The following FADS2 variants were observed in gnomAD, a reference collection of about 807,000 sequenced individuals.
FADS2 encodes the protein acyl-CoA 6-desaturase.
Under a neutral mutation model 61.2 loss-of-function variants are expected in FADS2, and 18 were observed. That is an observed-to-expected ratio of 0.29 (90% CI 0.20 to 0.44). The LOEUF is 0.44. Ranked by LOEUF, FADS2 falls within the 20% of genes least tolerant of loss-of-function variation. The pLI, the probability that FADS2 is intolerant of heterozygous loss-of-function variation, is 1.00. For missense variants in FADS2, 322 were observed against 572.7 expected (o/e 0.56, Z 4.47); for synonymous variants, 203 against 223.9 (o/e 0.91, Z 0.83).
chr11:61,838,428 G>A (rs1463110785), intron 2 of FADS2, among the ~76,000 whole-genome samples: 4 of 152,134 alleles, frequency 2.6e-5, no homozygotes, highest in East Asian at 1.9e-4. Context: ...ATAGAAGAAA[G>A]TTGGGACAGG....
chr11:61,837,524 A>G (rs2067183722), intron 1 of FADS2, among the ~76,000 whole-genome samples: 1 of 152,214 alleles, frequency 6.6e-6, no homozygotes, highest in Non-Finnish European at 1.5e-5. Flanking sequence ...CTATGCATCT[A>G]TTCACAAACC....
intron 5 of FADS2, among the ~76,000 whole-genome samples, chr11:61,850,544 T>C (rs79303190): frequency 0.081 from 12,264 of 152,214 alleles, 760 homozygotes; most frequent in African/African-American, 0.15. Context: ...CCACCGCGCC[T>C]GGCCCATAAT....
chr11:61,828,523 A>G lies in FADS2; in HGVS notation c.133A>G (p.Asn45Asp), dbSNP rs1048060548. 1.9e-6 allele frequency: 3 copies of G among 1,613,956 alleles called. No individual in the cohort carries two copies. The highest frequency in any genetic ancestry group is 2.5e-6 in the Non-Finnish European group (3 of 1,180,014). The change falls in exon 1 of 12, where the codon AAC becomes GAC. Residue 45 changes from asparagine (N) to aspartate (D), a missense_variant. Transcript: ENST00000278840. The surrounding 1 kb of genome is among the most constrained non-coding windows in gnomAD (Gnocchi z 6.4). ...RWLVIDRKVY[N>D]ITKWSIQHPG... is the part of the protein sequence containing the mutation. ...GCTGGTCATTGACCGCAAGGTTTAC[A>G]ACATCACCAAATGGTCCATCCAGCA...
intron 5 of FADS2, among the ~76,000 whole-genome samples, chr11:61,852,169 G>C (rs1348370216): frequency 6.6e-6 from 1 of 152,126 alleles, no homozygotes; most frequent in East Asian, 1.9e-4. Context: ...TGGATGACTT[G>C]GGGGCCACAC....
chr11:61,818,060 C>T (rs1281399781), intron 1 of FADS2, among the ~76,000 whole-genome samples: 1 of 152,142 alleles, frequency 6.6e-6, no homozygotes, highest in Admixed American at 6.6e-5. Flanking sequence ...TTTCTCATTA[C>T]ACTGGTATTT....
chr11:61,843,958 G>C (rs1021020995), intron 4 of FADS2, among the ~76,000 whole-genome samples: 1 of 151,932 alleles, frequency 6.6e-6, no homozygotes, highest in Non-Finnish European at 1.5e-5. Flanking sequence ...ACCACGCCCG[G>C]CCTGCAATAT....
upstream of FADS2, among the ~76,000 whole-genome samples, chr11:61,825,564 G>A (rs913372968): frequency 1.3e-5 from 2 of 151,518 alleles, no homozygotes; most frequent in African/African-American, 4.9e-5. Context: ...GTTGCAGTGA[G>A]CTGAGATCGC....
Position 61,857,457 on chromosome 11 carries a change from G to A in FADS2, c.809G>A (p.Gly270Glu), listed in dbSNP as rs1186511242. The change falls in exon 7 of 12, where the codon GGG becomes GAG. Residue 270 changes from glycine (G) to glutamate (E), a missense_variant. Physicochemically the swap from Gly to Glu is moderately conservative, Grantham distance 98. Coordinates refer to ENST00000278840, the MANE Select transcript of FADS2 (RefSeq NM_004265.4). ...AGCGCCTGTCTCTCTCCTGCAGTTG[G>A]GCCGCCGCTGCTCATCCCCATGTAT... ...NHQHEYFFLI[G>E]PPLLIPMYFQ... The A allele has an allele frequency of 6.2e-7, 1 of 1,613,760 alleles. No homozygotes were observed. Among genetic ancestry groups the A allele is most frequent in the East Asian group, 2.2e-5 (1 of 44,892 alleles).
intron 5 of FADS2, among the ~76,000 whole-genome samples, chr11:61,853,727 C>A (rs1467928228): frequency 1.3e-5 from 2 of 152,122 alleles, no homozygotes; most frequent in Non-Finnish European, 2.9e-5. Context: ...CTCTCGGGGA[C>A]CTTGGACTGG....
rs2067457025 is a variant in FADS2, at chr11:61,865,194, C to T, written c.1200C>T (p.Ala400=). The T allele has an allele frequency of 1.9e-6, 3 of 1,613,894 alleles. No homozygotes were observed. The highest frequency in any genetic ancestry group is 1.3e-5 in the African/African-American group (1 of 75,050). Residue 400 remains alanine, a synonymous_variant, in exon 11 of 12, where the codon GCC becomes GCT. Transcript: ENST00000278840. This position sits in a 1 kb window ranked among gnomAD's most constrained non-coding sequence, Gnocchi z 4.1. The part of the protein sequence containing the change: ...TMPRHNLHKI[A]PLVKSLCAKH... ...CCCGGCACAACTTACACAAGATCGC[C>T]CCGCTGGTGAAGTCTCTATGTGCCA...
upstream of FADS2, among the ~76,000 whole-genome samples, chr11:61,824,390 AAAAAAGAG>A (rs1436665133): frequency 9.1e-6 from 1 of 110,166 alleles, no homozygotes; most frequent in Non-Finnish European, 1.9e-5. Flanking sequence ...TTGGGGGAAA[AAAAAAGAG>A]AGAGAGAGAG....
chr11:61,850,115 C>G (rs371210004), intron 5 of FADS2, among the ~76,000 whole-genome samples: 2 of 152,194 alleles, frequency 1.3e-5, no homozygotes, highest in East Asian at 1.9e-4. Flanking sequence ...CCCTTCCCCC[C>G]CAGTTCATGT....
At chr11:61,825,610 C>A (rs1202492730), upstream of FADS2, among the ~76,000 whole-genome samples, 2 of 116,456 alleles carry the variant, frequency 1.7e-5, no homozygotes, top group Non-Finnish European at 3.6e-5. Flanking sequence ...AGAGTGAGAC[C>A]CTGTCTCAAA....
At chr11:61,834,873 G>A (rs1305452664) in intron 1 of FADS2, among the ~76,000 whole-genome samples, 2 of 151,824 alleles carry the variant, frequency 1.3e-5, no homozygotes, top group African/African-American at 2.4e-5. Flanking sequence ...TTGCATAGGC[G>A]GCTGAGGCTC....
Position 61,816,420 on chromosome 11 carries a change from G to T in FADS2, c.135G>T (p.Gly45=), listed in dbSNP as rs1269195222. ...CATCCGCAGGACACCCAATCACCGG[G>T]CAACAGGTATGATCAGGCGCCTCCG... is the stretch of plus-strand genomic sequence containing the variant. Residue 45 remains glycine, a synonymous_variant, in exon 1 of 12, where the codon GGG becomes GGT. Coordinates refer to the FADS2 transcript ENST00000257261. The surrounding 1 kb of genome is among the most constrained non-coding windows in gnomAD (Gnocchi z 7.0). 5 of 1,598,750 alleles carry T rather than the reference G, an allele frequency of 3.1e-6. No homozygotes were observed. Among genetic ancestry groups the T allele is most frequent in the Non-Finnish European group, 2.5e-6 (3 of 1,179,802 alleles).
chr11:61,824,481 AGAGAGAG>A (rs2067061700), upstream of FADS2, among the ~76,000 whole-genome samples: 2 of 8,296 alleles, frequency 2.4e-4, no homozygotes, highest in African/African-American at 3.1e-4. Flanking sequence ...AGAGAGAGAG[AGAGAGAG>A]AGAAAGAAAG....
intron 4 of FADS2, among the ~76,000 whole-genome samples, chr11:61,843,329 C>T (rs1015906243): frequency 6.6e-6 from 1 of 152,200 alleles, no homozygotes; most frequent in Non-Finnish European, 1.5e-5. Flanking sequence ...ACTGGGGAGG[C>T]TGAGGCCGGA....
chr11:61,859,643 AC>A (rs1305227995), intron 7 of FADS2, among the ~76,000 whole-genome samples: 2 of 152,082 alleles, frequency 1.3e-5, no homozygotes, highest in African/African-American at 2.4e-5. Flanking sequence ...CCCTCCTTAT[AC>A]ATGTTACACC....
upstream of FADS2, chr11:61,826,376 A>G (rs1028793721): frequency 7.1e-6 from 5 of 702,378 alleles, no homozygotes; most frequent in Non-Finnish European, 1.3e-5. Context: ...GGCCACCCAT[A>G]CGTGCTCCCT....
Sources: gnomAD v4.1 joint callset for allele counts (sites outside exome capture counted in the v4.1 genomes callset) on GRCh38, gnomAD v4.1.1 for gene constraint, Gnocchi (gnomAD v3.1) non-coding constraint, MANE v1.5 for transcripts, NCBI Gene and HGNC (gene_info 2026-07-23, HGNC 2026-07-21) for gene names.